AGFG2: variants seen among roughly 807,000 people sequenced by gnomAD.
AGFG2 encodes the protein ArfGAP with FG repeats 2.
Under a neutral mutation model 48.0 loss-of-function variants are expected in AGFG2, and 31 were observed. That is an observed-to-expected ratio of 0.65 (90% CI 0.49 to 0.87). The LOEUF (loss-of-function observed/expected upper bound fraction) is 0.87, where lower values mean the gene tolerates loss of function less well. AGFG2 is among the 40% of genes least tolerant of loss of function. The pLI is 0.00. For missense variants in AGFG2, 599 were observed against 632.6 expected, an observed-to-expected ratio of 0.95 and a Z score of 0.57; for synonymous variants, 229 against 260.8, an observed-to-expected ratio of 0.88 and a Z score of 1.18.
rs527951038 is a variant in AGFG2 at position 100,567,875 on chromosome 7, G to T, written c.*2884G>T. 4 of 152,304 alleles carry T rather than the reference G, an allele frequency of 2.6e-5. No individual in the cohort carries two copies. The highest frequency in any genetic ancestry group is 9.7e-5 in the African/African-American group (4 of 41,440). The allele number at this position is 152,304 out of a possible 1,614,324, so 9.4% of individuals were successfully genotyped here. A position where few individuals can be genotyped will look rare whatever the true frequency, so the allele number is the denominator to read the frequency against. ...CTACCGGCTGAAATAAATCTTTTCC[G>T]GGTAGGGTCAAGGGCAGTGTGTTGC... On this transcript the variant is annotated 3_prime_UTR_variant, in exon 12 of 12. Transcript: ENST00000300176.
At chr7:100,541,522 A>C (rs1000789568) in intron 1 of AGFG2, among the ~76,000 whole-genome samples, 8 of 152,190 alleles carry the variant, frequency 5.3e-5, no homozygotes, top group Admixed American at 5.2e-4. Context: ...TATGTATAGG[A>C]GGCCAAGGTG....
At chr7:100,558,215 G>T (rs548902667) in intron 6 of AGFG2, among the ~76,000 whole-genome samples, 1 of 151,880 alleles carries the variant, frequency 6.6e-6, no homozygotes, top group Non-Finnish European at 1.5e-5. Context: ...ACTTTGTCTC[G>T]AAAAACAAAA....
intron 9 of AGFG2, 149 bp downstream of exon 9, chr7:100,563,095 CTAGCACCCAGGTCACA>C: frequency 1.3e-6 from 1 of 799,854 alleles, no homozygotes; most frequent in South Asian, 1.8e-5. Context: ...GCCAGGCCAC[CTAGCACCCAGGTCACA>C]GAGCCAGATT....
chr7:100,553,698 G>A (rs1257532528), intron 4 of AGFG2, among the ~76,000 whole-genome samples, 198 bp downstream of exon 4: 1 of 152,224 alleles, frequency 6.6e-6, no homozygotes. Flanking sequence ...CTAACAGGAA[G>A]TGGTATTTAG....
Position 100,539,434 on chromosome 7 carries a change from T to A in AGFG2, c.88T>A (p.Cys30Ser). 7.6e-7 allele frequency: 1 copy of A among 1,322,718 alleles called. No homozygotes were observed. The highest frequency in any genetic ancestry group is 9.7e-7 in the Non-Finnish European group (1 of 1,033,092). 81.9% of individuals were successfully genotyped at this position (1,322,718 alleles called of 1,614,324 possible). The change falls in exon 1 of 12, where the codon TGC becomes AGC. Residue 30 changes from cysteine (C) to serine (S), a missense_variant. Transcript: ENST00000300176. ...GGCGGAGGCGGCCTCGGAGGTGTGG[T>A]GCCGTCGGGTGCGGGAGCTGGGTGG... The part of the protein sequence containing the change: ...AEAEAASEVW[C>S]RRVRELGGCS...
Position 100,562,452 on chromosome 7 carries a change from C to G in AGFG2, c.998+73C>G. ...GAAGCCTGGCCATGTTCCTCCCAGCCCCATCGGCATCTCCTGGCAGTTCTC... is the reference window on the plus strand; with the variant it reads ...GAAGCCTGGCCATGTTCCTCCCAGCGCCATCGGCATCTCCTGGCAGTTCTC... On this transcript the variant is annotated intron_variant, in intron 7 of 11. Coordinates refer to ENST00000300176, the MANE Select transcript of AGFG2 (RefSeq NM_006076.5). This position sits in a 1 kb window ranked among gnomAD's most constrained non-coding sequence, Gnocchi z 5.4. 6.2e-7 allele frequency: 1 copy of G among 1,603,826 alleles called. No homozygotes were observed.
At chr7:100,548,003 C>G (rs3115586) in intron 1 of AGFG2, among the ~76,000 whole-genome samples, 1 of 152,138 alleles carries the variant, frequency 6.6e-6, no homozygotes. Context: ...AAGAATAGTA[C>G]TGGGCCTTCA....
intron 11 of AGFG2, among the ~76,000 whole-genome samples, 197 bp downstream of exon 11, chr7:100,564,500 G>GCTCC (rs1446986869): frequency 6.6e-6 from 1 of 151,354 alleles, no homozygotes; most frequent in Non-Finnish European, 1.5e-5. Flanking sequence ...CCTGCCCTTG[G>GCTCC]CTCCCTTCTC....
At chr7:100,560,766 C>T (rs1185879439) in intron 6 of AGFG2, among the ~76,000 whole-genome samples, 4 of 149,388 alleles carry the variant, frequency 2.7e-5, no homozygotes, top group East Asian at 3.9e-4. Context: ...GGGCCCGGGT[C>T]GCTGTTATTT....
At chr7:100,564,875 T>G in intron 11 of AGFG2, 57 bp from the exon 12 acceptor site, 2 of 1,590,234 alleles carry the variant, frequency 1.3e-6, no homozygotes, top group Non-Finnish European at 1.7e-6. Flanking sequence ...GCTGCCTTTC[T>G]TCTAAGCTTC....
chr7:100,539,634 G>A (rs1291757077), intron 1 of AGFG2, 67 bp downstream of exon 1: 5 of 1,178,738 alleles, frequency 4.2e-6, no homozygotes, highest in Non-Finnish European at 4.3e-6. Context: ...GGGGAGGCCG[G>A]GGCTCCGGGG....
In AGFG2 at chr7:100,555,220, T is replaced by C. The variant is rs550962753; in HGVS notation, c.752-390T>C. Among the ~76,000 whole-genome samples the C allele has an allele frequency of 1.1e-3, 165 of 150,598 alleles. 6 individuals are homozygous for C. The South Asian group carries it at 0.033, about 31-fold the overall frequency. On this transcript the variant is annotated intron_variant, in intron 5 of 11. Transcript: ENST00000300176. ...AGAATTAGTAGCTATATTACATGGA[T>C]AGGCATATACATTTTCTTTTCTTTT...
At position 100,553,489 on chromosome 7, in the gene AGFG2, A is replaced by C; in HGVS notation, c.574A>C (p.Thr192Pro). The C allele has an allele frequency of 6.3e-7, 1 of 1,596,376 alleles. No individual in the cohort carries two copies. The highest frequency in any genetic ancestry group is 8.6e-7 in the Non-Finnish European group (1 of 1,167,472). The change falls in exon 4 of 12, where the codon ACC becomes CCC. Residue 192 changes from threonine (T) to proline (P), a missense_variant. Physicochemically the swap from Thr to Pro is conservative, Grantham distance 38. Coordinates refer to ENST00000300176, the MANE Select transcript of AGFG2 (RefSeq NM_006076.5). ...PAPSLSVAAS[T>P]SSQPVSQSHA... is the part of the protein sequence containing the mutation. ...ACCGTCTCTCTCAGTTGCTGCCTCCACCTCGAGCCAGGTAACTCTCAGATC... is the reference window on the plus strand; with the variant it reads ...ACCGTCTCTCTCAGTTGCTGCCTCCCCCTCGAGCCAGGTAACTCTCAGATC...
In AGFG2 at chr7:100,544,694, G is replaced by A. The variant is rs139025798; in HGVS notation, c.222-4128G>A. On this transcript the variant is annotated intron_variant, in intron 1 of 11. Transcript: ENST00000300176. ...CCACTTGAAAAGCCCCGAAGGAAGT[G>A]ATAAATTACTAAAGGGATGAGAAAA... Among the ~76,000 whole-genome samples, 415 of 115,350 alleles carry A rather than the reference G, an allele frequency of 3.6e-3. 3 individuals carry two copies. The highest frequency in any genetic ancestry group is 0.013 in the African/African-American group (398 of 30,058). The allele number at this position is 115,350 out of a possible 152,430, so 75.7% of individuals were successfully genotyped here.
Position 100,563,961 on chromosome 7 carries a change from T to C in AGFG2, c.1299T>C (p.Asn433=). 6.2e-7 allele frequency: 1 copy of C among 1,606,594 alleles called. No individual in the cohort carries two copies. The highest frequency in any genetic ancestry group is 1.1e-5 in the South Asian group (1 of 90,996). ...PPQTPLVQQQ[N]GSSFGDLGSA... is the part of the protein sequence containing the mutation. ...AGACCCCGCTTGTTCAGCAGCAGAA[T>C]GGTAAGAGCTGTAGATGGACAAACC... Residue 433 remains asparagine, a splice_region_variant and synonymous_variant, in exon 10 of 12, where the codon AAT becomes AAC. Coordinates refer to ENST00000300176, the MANE Select transcript of AGFG2 (RefSeq NM_006076.5).
chr7:100,552,720 G>C (rs1184400275), intron 3 of AGFG2, among the ~76,000 whole-genome samples: 1 of 152,220 alleles, frequency 6.6e-6, no homozygotes, highest in African/African-American at 2.4e-5. Context: ...CACATACACT[G>C]TAGTGGAAGG....
At chr7:100,557,984 C>T (rs948947634) in intron 6 of AGFG2, among the ~76,000 whole-genome samples, 1 of 152,036 alleles carries the variant, frequency 6.6e-6, no homozygotes, top group African/African-American at 2.4e-5. Flanking sequence ...GAAGCTGAGG[C>T]AGGTGGATCA....
chr7:100,562,632 C>G lies in AGFG2; in HGVS notation c.1037C>G (p.Ser346Cys), dbSNP rs1426936536. ...GMAGQVPPLQSVTMGGGGGSS... is the reference protein window; with the variant it reads ...GMAGQVPPLQCVTMGGGGGSS... ...GCTGGCCAGGTCCCCCCGCTCCAGT[C>G]TGTCACGATGGGCGGCGGCGGCGGC... Residue 346 changes from serine (S) to cysteine (C), a missense_variant, in exon 8 of 12, where the codon TCT becomes TGT. Coordinates refer to ENST00000300176, the MANE Select transcript of AGFG2 (RefSeq NM_006076.5). This position sits in a 1 kb window ranked among gnomAD's most constrained non-coding sequence, Gnocchi z 5.4. 3 of 1,612,478 alleles carry G rather than the reference C, an allele frequency of 1.9e-6. No homozygotes were observed. Among genetic ancestry groups the G allele is most frequent in the Non-Finnish European group, 2.5e-6 (3 of 1,179,976 alleles).
intron 11 of AGFG2, 51 bp downstream of exon 11, chr7:100,564,354 G>GGAA: frequency 6.4e-7 from 1 of 1,556,918 alleles, no homozygotes; most frequent in Non-Finnish European, 8.8e-7. Flanking sequence ...CTTTCCCTCT[G>GGAA]GGACAATCCT....
Sources: gnomAD v4.1 joint callset for allele counts (sites outside exome capture counted in the v4.1 genomes callset) on GRCh38, gnomAD v4.1.1 for gene constraint, Gnocchi (gnomAD v3.1) non-coding constraint, MANE v1.5 for transcripts, NCBI Gene and HGNC (gene_info 2026-07-23, HGNC 2026-07-21) for gene names.